Variants in RALYL observed in about 807,000 individuals in gnomAD.
The protein encoded by RALYL is RALY RNA binding protein like.
RALYL carries 29 observed loss-of-function variants against 35.1 expected under a neutral mutation model. That is an observed-to-expected ratio of 0.83 (90% confidence interval 0.61 to 1.13). The LOEUF is 1.13. Ranked by LOEUF, RALYL falls within the 50% of genes most tolerant of loss-of-function variation. The pLI is 0.00. For synonymous variants in RALYL, 120 were observed against 127.6 expected (o/e 0.94, Z 0.40); for missense variants, 359 against 360.4 (o/e 1.00, Z 0.03).
intron 4 of RALYL, among the ~76,000 whole-genome samples, chr8:84,807,264 GT>G (rs1254272318): frequency 6.6e-6 from 1 of 152,142 alleles, no homozygotes; most frequent in Admixed American, 6.5e-5. Context: ...CACATACGAT[GT>G]TTGGTTTTCC....
intron 1 of RALYL, among the ~76,000 whole-genome samples, chr8:84,285,273 T>C (rs1837371449): frequency 2.0e-5 from 3 of 152,212 alleles, no homozygotes; most frequent in Admixed American, 2.0e-4. Context: ...ATATTCTTAC[T>C]AGAGTTCAAA....
intron 2 of RALYL, among the ~76,000 whole-genome samples, chr8:84,626,544 C>A (rs1822771910): frequency 6.6e-6 from 1 of 152,060 alleles, no homozygotes; most frequent in South Asian, 2.1e-4. Context: ...TTCTCTTTGA[C>A]AAGGAACATA....
intron 1 of RALYL, among the ~76,000 whole-genome samples, chr8:84,238,719 G>C (rs1220622607): frequency 6.6e-6 from 1 of 152,100 alleles, no homozygotes; most frequent in African/African-American, 2.4e-5. Flanking sequence ...GGGTATGAGA[G>C]AGGAGAGGGA....
At chr8:84,466,651 G>A (rs1201748618) in intron 1 of RALYL, among the ~76,000 whole-genome samples, 2 of 151,132 alleles carry the variant, frequency 1.3e-5, no homozygotes, top group African/African-American at 2.4e-5. Context: ...AATGATGCTG[G>A]CCTCATAAAA....
At chr8:84,587,809 A>T (rs956658517) in intron 2 of RALYL, among the ~76,000 whole-genome samples, 4 of 152,224 alleles carry the variant, frequency 2.6e-5, no homozygotes, top group Admixed American at 6.5e-5. Context: ...AGTAGCCCAC[A>T]TTCTACTAAG....
At chr8:84,340,823 A>G (rs1848657366) in intron 1 of RALYL, among the ~76,000 whole-genome samples, 1 of 152,106 alleles carries the variant, frequency 6.6e-6, no homozygotes, top group Non-Finnish European at 1.5e-5. Flanking sequence ...AATCTTTCAG[A>G]TATATATCCA....
intron 2 of RALYL, among the ~76,000 whole-genome samples, chr8:84,537,494 C>A (rs2059695351): frequency 3.4e-5 from 5 of 148,720 alleles, no homozygotes; most frequent in Admixed American, 3.4e-4. Context: ...AAAAAAAAGT[C>A]TGTTCACAAG....
intron 1 of RALYL, among the ~76,000 whole-genome samples, chr8:84,497,642 GTTTTTT>G (rs71271999): frequency 8.5e-6 from 1 of 117,242 alleles, no homozygotes; most frequent in African/African-American, 3.3e-5. Flanking sequence ...TTTTGTTTTT[GTTTTTT>G]TTTTTTTTTT....
At chr8:84,423,367 G>C (rs1248711450) in intron 1 of RALYL, among the ~76,000 whole-genome samples, 8 of 142,280 alleles carry the variant, frequency 5.6e-5, no homozygotes, top group Admixed American at 5.4e-4. Context: ...GACTAGGATT[G>C]CAACCCCTGC....
At chr8:84,424,885 C>T (rs964561392) in intron 1 of RALYL, among the ~76,000 whole-genome samples, 1 of 151,712 alleles carries the variant, frequency 6.6e-6, no homozygotes, top group Non-Finnish European at 1.5e-5. Flanking sequence ...CAGGGACCCA[C>T]TTGAGGAGGC....
At chr8:84,550,551 T>C (rs1037007913) in intron 2 of RALYL, among the ~76,000 whole-genome samples, 30 of 151,832 alleles carry the variant, frequency 2.0e-4, no homozygotes, top group Middle Eastern at 6.9e-3. Context: ...ATTACCCACA[T>C]AGACTTAGTT....
At chr8:84,468,126 G>T (rs2052017966) in intron 1 of RALYL, among the ~76,000 whole-genome samples, 1 of 151,774 alleles carries the variant, frequency 6.6e-6, no homozygotes, top group African/African-American at 2.4e-5. Flanking sequence ...TTTAATTGGA[G>T]AATTTAGTGC....
intron 2 of RALYL, among the ~76,000 whole-genome samples, chr8:84,664,273 T>TA (rs1831514096): frequency 1.3e-5 from 2 of 149,306 alleles, no homozygotes; most frequent in African/African-American, 4.9e-5. Context: ...ATTTTTTTTT[T>TA]TTTTTTTTTT....
chr8:84,679,109 CTG>C (rs1834829716), intron 2 of RALYL: 1 of 232,266 alleles, frequency 4.3e-6, no homozygotes, highest in Non-Finnish European at 9.0e-6. Flanking sequence ...ATAGTAAATG[CTG>C]ATTCTGAGAA....
intron 2 of RALYL, among the ~76,000 whole-genome samples, chr8:84,635,780 A>G (rs986381762): frequency 2.0e-5 from 3 of 151,788 alleles, no homozygotes; most frequent in African/African-American, 4.8e-5. Flanking sequence ...CAGAATGGAA[A>G]TATTCAATCA....
intron 1 of RALYL, among the ~76,000 whole-genome samples, chr8:84,240,284 G>T (rs1232981147): frequency 6.6e-6 from 1 of 152,096 alleles, no homozygotes; most frequent in Non-Finnish European, 1.5e-5. Context: ...CTAGAAAATT[G>T]TTCTATTTAA....
intron 2 of RALYL, among the ~76,000 whole-genome samples, chr8:84,722,893 A>T (rs1844259497): frequency 6.6e-6 from 1 of 151,584 alleles, no homozygotes; most frequent in Non-Finnish European, 1.5e-5. Flanking sequence ...AAAGGCAGTA[A>T]AAATCAACCA....
chr8:84,491,490 T>C (rs2134046568), intron 1 of RALYL, among the ~76,000 whole-genome samples: 1 of 152,134 alleles, frequency 6.6e-6, no homozygotes, highest in Non-Finnish European at 1.5e-5. Context: ...GTCCTTAACA[T>C]GGAATTTCCA....
chr8:84,274,407 A>C (rs1834944302), intron 1 of RALYL, among the ~76,000 whole-genome samples: 1 of 152,178 alleles, frequency 6.6e-6, no homozygotes, highest in African/African-American at 2.4e-5. Flanking sequence ...TGAGCTGTGT[A>C]TTCTGAGTAT....
Sources: allele counts gnomAD v4.1 joint callset (sites outside exome capture counted in the v4.1 genomes callset), GRCh38; gene constraint gnomAD v4.1.1; transcripts MANE v1.5; gene names NCBI Gene and HGNC (gene_info 2026-07-23, HGNC 2026-07-21).